The following ZNF26 variants were observed in gnomAD, a reference collection of about 807,000 sequenced individuals.
ZNF26 encodes epididymis luminal protein 179.
A neutral mutation model predicts 54.9 loss-of-function variants in ZNF26; 32 were observed. The observed-to-expected ratio is 0.58, with a 90% CI of 0.44 to 0.78. The LOEUF (loss-of-function observed/expected upper bound fraction) is 0.78, where lower values mean the gene tolerates loss of function less well. Ranked by LOEUF, ZNF26 falls within the 30% of genes least tolerant of loss-of-function variation. The pLI is 0.00. For synonymous variants in ZNF26, 221 were observed against 209.2 expected (o/e 1.06, Z -0.49); for missense variants, 524 against 634.0 (o/e 0.83, Z 1.86).
At chr12:132,991,293 C>T (rs1262740805) in intron 1 of ZNF26, among the ~76,000 whole-genome samples, 1 of 147,842 alleles carries the variant, frequency 6.8e-6, no homozygotes, top group Non-Finnish European at 1.5e-5. Flanking sequence ...GTCAGATGTT[C>T]AAGACCAGCC....
rs887886368 is a variant in ZNF26, at chr12:132,987,090, T to C, written c.33+217T>C. ...TGTGGTATTCTGTGACGGGCAGTTA[T>C]ACTGCACTTCATGGCCAGCTGCGGG... On this transcript the variant is annotated intron_variant, in intron 1 of 3. Transcript: ENST00000328654. Among the ~76,000 whole-genome samples the C allele has an allele frequency of 1.8e-3, 278 of 152,316 alleles. 2 individuals are homozygous for C. The highest frequency in any genetic ancestry group is 6.5e-3 in the African/African-American group (270 of 41,586).
At position 133,020,369 on chromosome 12, in the gene ZNF26, A is replaced by C. The variant is rs1029209884; in HGVS notation, c.*8888A>C. ...GTTACCAGAAGCTGGGAAGAGGGGG[A>C]AGGATGAAGGGGAAAAATATGAATG... On this transcript the variant is annotated 3_prime_UTR_variant, in exon 4 of 4. Transcript: ENST00000328654. 1 of 152,086 alleles carries C rather than the reference A, an allele frequency of 6.6e-6. No homozygotes were observed. Among genetic ancestry groups the C allele is most frequent in the South Asian group, 2.1e-4 (1 of 4,828 alleles). The allele number at this position is 152,086 out of a possible 1,614,324, so 9.4% of individuals were successfully genotyped here. A position where few individuals can be genotyped will look rare whatever the true frequency, so the allele number is the denominator to read the frequency against.
chr12:132,991,987 C>T (rs1475039715), intron 1 of ZNF26, among the ~76,000 whole-genome samples: 2 of 151,636 alleles, frequency 1.3e-5, no homozygotes, highest in African/African-American at 4.9e-5. Context: ...GTCTCTACTA[C>T]AAATACAAAA....
rs1953693467 is a variant in ZNF26 at position 133,025,597 on chromosome 12, C to T, written c.*14116C>T. The T allele has an allele frequency of 6.8e-6, 1 of 147,286 alleles. No individual in the cohort carries two copies. Among genetic ancestry groups the T allele is most frequent in the Non-Finnish European group, 1.5e-5 (1 of 64,752 alleles). The allele number at this position is 147,286 out of a possible 1,614,324, so 9.1% of individuals were successfully genotyped here. A position where few individuals can be genotyped will look rare whatever the true frequency, so the allele number is the denominator to read the frequency against. On this transcript the variant is annotated 3_prime_UTR_variant, in exon 4 of 4. Transcript: ENST00000328654. The stretch of plus-strand genomic sequence containing the variant: ...TCTCCCATGAGAGTTGAGGTCGACA[C>T]CAGCTCCTTGAACCTGGGTGGACTT...
rs1953539946 is a variant in ZNF26 at position 133,014,563 on chromosome 12, T to G, written c.*3082T>G. On this transcript the variant is annotated 3_prime_UTR_variant, in exon 4 of 4. Transcript: ENST00000328654. Reference sequence around the variant, plus strand: ...TGTTTTGTTTTGTTTTTTTTTTTTTTTGAGACGGAGTCTTGTTCTGTCACC... The same window carrying G: ...TGTTTTGTTTTGTTTTTTTTTTTTTGTGAGACGGAGTCTTGTTCTGTCACC... 1 of 151,706 alleles carries G rather than the reference T, an allele frequency of 6.6e-6. No individual in the cohort carries two copies. The highest frequency in any genetic ancestry group is 2.4e-5 in the African/African-American group (1 of 41,300). The allele number at this position is 151,706 out of a possible 1,614,324, so 9.4% of individuals were successfully genotyped here.
chr12:132,998,269 C>T (rs1189521589), intron 1 of ZNF26, among the ~76,000 whole-genome samples: 7 of 151,586 alleles, frequency 4.6e-5, no homozygotes, highest in South Asian at 2.1e-4. Flanking sequence ...CGGGTTCAAG[C>T]GATTATCCTG....
intron 1 of ZNF26, among the ~76,000 whole-genome samples, chr12:132,990,968 C>T (rs1233777871): frequency 1.3e-5 from 2 of 151,864 alleles, no homozygotes; most frequent in African/African-American, 4.8e-5. Context: ...AAGCGATTCT[C>T]CTGCCTCAGC....
Position 132,986,661 on chromosome 12 carries a change from C to T in ZNF26, c.-180C>T, listed in dbSNP as rs1952826271. 3.2e-6 allele frequency: 2 copies of T among 621,350 alleles called. No homozygotes were observed. The highest frequency in any genetic ancestry group is 5.7e-6 in the Non-Finnish European group (2 of 353,538). 38.5% of individuals were successfully genotyped at this position (621,350 alleles called of 1,614,324 possible). A position where few individuals can be genotyped will look rare whatever the true frequency, so the allele number is the denominator to read the frequency against. On this transcript the variant is annotated 5_prime_UTR_variant, in exon 1 of 4. Transcript: ENST00000328654. ...CAGACCGGGAGGTTGTCTAGTCACG[C>T]GCGGTCTGTGTTGGGCGAGAGCTGA...
At position 133,011,380 on chromosome 12, in the gene ZNF26, C is replaced by G. The variant is rs1425596347; in HGVS notation, c.1501C>G (p.Gln501Glu). 5 of 1,612,986 alleles carry G rather than the reference C, an allele frequency of 3.1e-6. No homozygotes were observed. Among genetic ancestry groups the G allele is most frequent in the Non-Finnish European group, 4.2e-6 (5 of 1,179,540 alleles). The part of the protein sequence containing the change: ...FTQKSSLSEH[Q>E]RVHTGEKPWK... ...TCAGAAGTCATCTCTCAGTGAACAT[C>G]AGAGAGTTCACACCGGAGAGAAACC... Residue 501 changes from glutamine (Q) to glutamate (E), a missense_variant, in exon 4 of 4, where the codon CAG (glutamine) becomes GAG (glutamate). Coordinates refer to ENST00000328654, the MANE Select transcript of ZNF26 (RefSeq NM_019591.4).
Position 133,024,677 on chromosome 12 carries a change from C to G in ZNF26, c.*13196C>G, listed in dbSNP as rs1177732624. 6.6e-6 allele frequency: 1 copy of G among 152,126 alleles called. No homozygotes were observed. The highest frequency in any genetic ancestry group is 2.4e-5 in the African/African-American group (1 of 41,434). 9.4% of individuals were successfully genotyped at this position (152,126 alleles called of 1,614,324 possible). A position where few individuals can be genotyped will look rare whatever the true frequency, so the allele number is the denominator to read the frequency against. ...ATCTGAAGCGGTGCCTCCTGACCCC[C>G]TTCAATGAATAAACAAAAAGGACTT... On this transcript the variant is annotated 3_prime_UTR_variant, in exon 4 of 4. Coordinates refer to ENST00000328654, the MANE Select transcript of ZNF26 (RefSeq NM_019591.4).
intron 1 of ZNF26, among the ~76,000 whole-genome samples, chr12:132,998,571 G>A (rs1041731917): frequency 5.9e-5 from 9 of 152,330 alleles, no homozygotes; most frequent in Non-Finnish European, 1.2e-4. Flanking sequence ...ACACCTGTAT[G>A]AATTCCTGTC....
chr12:132,988,204 T>C (rs1362391236), intron 1 of ZNF26, among the ~76,000 whole-genome samples: 1 of 151,866 alleles, frequency 6.6e-6, no homozygotes, highest in East Asian at 1.9e-4. Context: ...CGATGGAGTT[T>C]AGCCATGTTG....
In ZNF26 at chr12:133,019,177, T is replaced by TA. The variant is rs1953606745; in HGVS notation, c.*7699dup. On this transcript the variant is annotated 3_prime_UTR_variant, in exon 4 of 4. Coordinates refer to ENST00000328654, the MANE Select transcript of ZNF26 (RefSeq NM_019591.4). Reference sequence around the variant, plus strand: ...AGTCATCAAGAAGATGTAACAATTATAAATAGACAATTGGGATTACATCAA... The same window carrying TA: ...AGTCATCAAGAAGATGTAACAATTATAAAATAGACAATTGGGATTACATCAA... 6.6e-6 allele frequency: 1 copy of TA among 152,154 alleles called. No homozygotes were observed. The highest frequency in any genetic ancestry group is 1.5e-5 in the Non-Finnish European group (1 of 68,024). The allele number at this position is 152,154 out of a possible 1,614,324, so 9.4% of individuals were successfully genotyped here. A position where few individuals can be genotyped will look rare whatever the true frequency, so the allele number is the denominator to read the frequency against.
intron 1 of ZNF26, among the ~76,000 whole-genome samples, chr12:133,000,552 G>A (rs1031630173): frequency 5.9e-5 from 9 of 151,336 alleles, no homozygotes; most frequent in Non-Finnish European, 1.3e-4. Context: ...AGCCTCCCGA[G>A]TAGCTGGGAC....
At chr12:132,992,395 T>C (rs1952983551) in intron 1 of ZNF26, among the ~76,000 whole-genome samples, 1 of 152,194 alleles carries the variant, frequency 6.6e-6, no homozygotes, top group East Asian at 1.9e-4. Context: ...TTTTTTTTCA[T>C]CTCTGGCTTA....
intron 1 of ZNF26, among the ~76,000 whole-genome samples, chr12:132,991,453 G>A (rs943648683): frequency 6.6e-6 from 1 of 151,432 alleles, no homozygotes; most frequent in South Asian, 2.1e-4. Flanking sequence ...AGCCAAGATC[G>A]TGCCACTGCA....
At chr12:132,996,701 A>AT (rs1953091961) in intron 1 of ZNF26, among the ~76,000 whole-genome samples, 1 of 152,098 alleles carries the variant, frequency 6.6e-6, no homozygotes, top group African/African-American at 2.4e-5. Flanking sequence ...TATCATGTGT[A>AT]TTTTTTGTTA....
rs1953222503 is a variant in ZNF26 at position 133,001,691 on chromosome 12, T to C, written c.34-5351T>C. The stretch of plus-strand genomic sequence containing the variant: ...TCAAGTGTCAAGTTCGGGAATCTTC[T>C]GGGTGTTCCTTGGGCCCAGGGAAAC... On this transcript the variant is annotated intron_variant, in intron 1 of 3. Transcript: ENST00000328654. This position sits in a 1 kb window ranked among gnomAD's most constrained non-coding sequence, Gnocchi z 4.7. The C allele has an allele frequency of 7.8e-7, 1 of 1,289,160 alleles. No individual in the cohort carries two copies. Among genetic ancestry groups the C allele is most frequent in the Non-Finnish European group, 1.0e-6 (1 of 988,696 alleles). 79.9% of individuals were successfully genotyped at this position (1,289,160 alleles called of 1,614,324 possible).
At position 133,018,462 on chromosome 12, in the gene ZNF26, C is replaced by T. The variant is rs1258045372; in HGVS notation, c.*6981C>T. On this transcript the variant is annotated 3_prime_UTR_variant, in exon 4 of 4. Coordinates refer to ENST00000328654, the MANE Select transcript of ZNF26 (RefSeq NM_019591.4). ...CTCTGATAAGTTAATGTGTATTTAA[C>T]ACTTCCTAGAACAAACACTAAAGAA... 1 of 152,058 alleles carries T rather than the reference C, an allele frequency of 6.6e-6. No individual in the cohort carries two copies. Among genetic ancestry groups the T allele is most frequent in the African/African-American group, 2.4e-5 (1 of 41,394 alleles). 9.4% of individuals were successfully genotyped at this position (152,058 alleles called of 1,614,324 possible).
Sources: allele counts gnomAD v4.1 joint callset (sites outside exome capture counted in the v4.1 genomes callset), GRCh38; gene constraint gnomAD v4.1.1; non-coding constraint Gnocchi (gnomAD v3.1); transcripts MANE v1.5; gene names NCBI Gene and HGNC (gene_info 2026-07-23, HGNC 2026-07-21).